NFXL1: variants seen among roughly 807,000 people sequenced by gnomAD.
NFXL1 encodes the protein nuclear transcription factor, X-box binding like 1.
In NFXL1, 66 loss-of-function variants were observed where a neutral mutation model predicts 123.3. The observed-to-expected ratio is 0.54, with a 90% CI of 0.44 to 0.66. The LOEUF (loss-of-function observed/expected upper bound fraction) is 0.66, where lower values mean the gene tolerates loss of function less well. Among genes scored for constraint, NFXL1 ranks in the 30% least tolerant of loss-of-function variants. The pLI, the probability that NFXL1 is intolerant of heterozygous loss-of-function variation, is 0.00. For missense variants in NFXL1, 944 were observed against 1,125.6 expected (o/e 0.84, Z 2.31); for synonymous variants, 346 against 360.8 (o/e 0.96, Z 0.46).
chr4:47,852,250 C>T (rs1734159289), intron 20 of NFXL1: 1 of 273,132 alleles, frequency 3.7e-6, no homozygotes, highest in Non-Finnish European at 7.0e-6. Context: ...GTTTGTTATT[C>T]TTGCAAAGTG....
chr4:47,867,815 CA>C (rs2110053712), intron 18 of NFXL1, among the ~76,000 whole-genome samples: 1 of 151,600 alleles, frequency 6.6e-6, no homozygotes, highest in South Asian at 2.1e-4. Context: ...AAGAACGCAT[CA>C]ATAAAAGACT....
intron 18 of NFXL1, among the ~76,000 whole-genome samples, chr4:47,868,616 A>G (rs1735249408): frequency 6.6e-6 from 1 of 152,116 alleles, no homozygotes; most frequent in Admixed American, 6.5e-5. Flanking sequence ...AAACCTTAAT[A>G]GGAGAAAATT....
At chr4:47,851,536 C>T (rs955799516) in intron 21 of NFXL1, among the ~76,000 whole-genome samples, 1 of 151,938 alleles carries the variant, frequency 6.6e-6, no homozygotes, top group African/African-American at 2.4e-5. Context: ...CTTAAATGTG[C>T]TATCATGGAA....
chr4:47,873,903 A>G (rs1735587704), intron 18 of NFXL1, among the ~76,000 whole-genome samples: 1 of 152,252 alleles, frequency 6.6e-6, no homozygotes, highest in Non-Finnish European at 1.5e-5. Context: ...GATCTTATCT[A>G]AACCTTCTTA....
rs1230436427 is a variant in NFXL1, at chr4:47,908,944, G to A, written c.406+1880C>T. On this transcript the variant is annotated intron_variant, in intron 3 of 22. Coordinates refer to ENST00000507489, the MANE Select transcript of NFXL1 (RefSeq NM_001278624.2). Reference sequence around the variant, plus strand: ...CACTCCAGCCTGGGCGACAGAGTGAGACTCCGTCGCAAAAAAAAAAAAAAA... The same window carrying A: ...CACTCCAGCCTGGGCGACAGAGTGAAACTCCGTCGCAAAAAAAAAAAAAAA... Among the ~76,000 whole-genome samples the A allele has an allele frequency of 7.7e-5, 9 of 117,232 alleles. No individual in the cohort carries two copies. The East Asian group carries it at 1.9e-3, about 24-fold the overall frequency. 76.9% of individuals were successfully genotyped at this position (117,232 alleles called of 152,430 possible). A position where few individuals can be genotyped will look rare whatever the true frequency, so the allele number is the denominator to read the frequency against.
intron 12 of NFXL1, among the ~76,000 whole-genome samples, chr4:47,887,782 A>C (rs1177819417): frequency 6.6e-6 from 1 of 152,184 alleles, no homozygotes; most frequent in East Asian, 1.9e-4. Context: ...CTTGAAAATA[A>C]GGGACAATTT....
At chr4:47,854,772 A>C (rs1734304708) in intron 20 of NFXL1, among the ~76,000 whole-genome samples, 1 of 152,118 alleles carries the variant, frequency 6.6e-6, no homozygotes, top group Non-Finnish European at 1.5e-5. Context: ...CATTGACCAA[A>C]ACAGGGCATT....
intron 21 of NFXL1, among the ~76,000 whole-genome samples, 178 bp from the exon 22 acceptor site, chr4:47,851,326 T>C (rs1167919455): frequency 2.6e-5 from 4 of 152,102 alleles, no homozygotes; most frequent in East Asian, 1.9e-4. Context: ...ATCTAATAAA[T>C]TGAAGGTGGT....
rs763057043 is a variant in NFXL1, at chr4:47,903,341, G to A, written c.517-18C>T. 1.4e-6 allele frequency: 2 copies of A among 1,471,046 alleles called. No individual in the cohort carries two copies. Among genetic ancestry groups the A allele is most frequent in the Non-Finnish European group, 1.8e-6 (2 of 1,107,190 alleles). The allele number at this position is 1,471,046 out of a possible 1,614,324, so 91.1% of individuals were successfully genotyped here. On this transcript the variant is annotated intron_variant, in intron 4 of 22. Coordinates refer to ENST00000507489, the MANE Select transcript of NFXL1 (RefSeq NM_001278624.2). Reference sequence around the variant, plus strand: ...CTCCAAACCTAAGACAAATGTATCAGAAGTTAATATATGTTAATTTTTCTT... The same window carrying A: ...CTCCAAACCTAAGACAAATGTATCAAAAGTTAATATATGTTAATTTTTCTT...
intron 19 of NFXL1, among the ~76,000 whole-genome samples, chr4:47,859,798 C>T (rs190949755): frequency 5.2e-5 from 7 of 133,484 alleles, no homozygotes; most frequent in African/African-American, 1.4e-4. Flanking sequence ...GCCAAGATTG[C>T]GCCACCGTAC....
chr4:47,911,426 T>C (rs1737822307), intron 2 of NFXL1, among the ~76,000 whole-genome samples: 1 of 152,204 alleles, frequency 6.6e-6, no homozygotes, highest in Admixed American at 6.5e-5. Context: ...TATTTCAAAC[T>C]ACCGTCTTCT....
At chr4:47,893,534 G>T (rs776564573) in intron 11 of NFXL1, among the ~76,000 whole-genome samples, 2 of 152,068 alleles carry the variant, frequency 1.3e-5, no homozygotes, top group African/African-American at 4.8e-5. Flanking sequence ...CAAGCTAAAA[G>T]ATAGTAGAGC....
Position 47,899,637 on chromosome 4 carries a change from T to C in NFXL1, c.648-89A>G, listed in dbSNP as rs943091670. Reference sequence around the variant, plus strand: ...ATATACTTAACAGAGTATATTCTGTTAAATTAGTTTTATGTTAAGGAACTC... The same window carrying C: ...ATATACTTAACAGAGTATATTCTGTCAAATTAGTTTTATGTTAAGGAACTC... On this transcript the variant is annotated intron_variant, in intron 5 of 22. Coordinates refer to ENST00000507489, the MANE Select transcript of NFXL1 (RefSeq NM_001278624.2). 5.1e-6 allele frequency: 4 copies of C among 781,746 alleles called. No homozygotes were observed. The African/African-American group carries it at 5.3e-5, about 10-fold the overall frequency. 48.4% of individuals were successfully genotyped at this position (781,746 alleles called of 1,614,324 possible).
chr4:47,850,140 C>T (rs1031512689), intron 22 of NFXL1, among the ~76,000 whole-genome samples: 13 of 152,122 alleles, frequency 8.5e-5, no homozygotes, highest in Admixed American at 3.3e-4. Flanking sequence ...AAGGAGAAAA[C>T]ATACTAAACT....
rs1733881672 is a variant in NFXL1 at position 47,847,576 on chromosome 4, C to G, written c.*587G>C. The G allele has an allele frequency of 6.6e-6, 1 of 152,380 alleles. No homozygotes were observed. Among genetic ancestry groups the G allele is most frequent in the African/African-American group, 2.4e-5 (1 of 41,456 alleles). The allele number at this position is 152,380 out of a possible 1,614,324, so 9.4% of individuals were successfully genotyped here. On this transcript the variant is annotated 3_prime_UTR_variant, in exon 23 of 23. Coordinates refer to ENST00000507489, the MANE Select transcript of NFXL1 (RefSeq NM_001278624.2). The stretch of plus-strand genomic sequence containing the variant: ...AATAGCCACATGTGAGGAATCTAGC[C>G]TGGCATTTGTTGAAAATAACTATAT...
chr4:47,856,819 C>T (rs1485123354), intron 19 of NFXL1, among the ~76,000 whole-genome samples: 1 of 152,146 alleles, frequency 6.6e-6, no homozygotes, highest in African/African-American at 2.4e-5. Context: ...TAATACTGGA[C>T]ACTGAATACT....
intron 3 of NFXL1, among the ~76,000 whole-genome samples, chr4:47,909,387 C>A (rs1737720517): frequency 6.6e-6 from 1 of 152,136 alleles, no homozygotes; most frequent in South Asian, 2.1e-4. Flanking sequence ...GAAATCAGCC[C>A]AGTAATGGCT....
chr4:47,890,576 C>T (rs1350558865), intron 12 of NFXL1, 37 bp downstream of exon 12: 2 of 1,163,798 alleles, frequency 1.7e-6, no homozygotes, highest in African/African-American at 3.1e-5. Context: ...CACTACATCA[C>T]TACAAACATA....
chr4:47,897,933 T>C, intron 9 of NFXL1, 34 bp downstream of exon 9: 1 of 1,322,800 alleles, frequency 7.6e-7, no homozygotes. Context: ...GACAGATCAT[T>C]TCCTATATAA....
Sources: gnomAD v4.1 joint callset for allele counts (sites outside exome capture counted in the v4.1 genomes callset) on GRCh38, gnomAD v4.1.1 for gene constraint, MANE v1.5 for transcripts, NCBI Gene and HGNC (gene_info 2026-07-23, HGNC 2026-07-21) for gene names.